Variants in GPHN observed in about 807,000 individuals in gnomAD.
GPHN encodes the protein gephyrin.
GPHN carries 17 observed loss-of-function variants against 95.5 expected under a neutral mutation model. The observed-to-expected ratio is 0.18, with a 90% confidence interval of 0.12 to 0.27. GPHN has a LOEUF of 0.27. GPHN is among the 10% of genes least tolerant of loss of function. The pLI, the probability that GPHN is intolerant of heterozygous loss-of-function variation, is 1.00. For missense variants in GPHN, 660 were observed against 978.1 expected (o/e 0.67, Z 4.34); for synonymous variants, 320 against 322.5 (o/e 0.99, Z 0.08).
At chr14:67,663,146 C>T in the GPHN span, 1 of 1,532,506 alleles carries the variant, frequency 6.5e-7, no homozygotes, top group African/African-American at 1.4e-5. Context: ...CATTCTGTCC[C>T]TTTGGTTGAG....
intron 4 of GPHN, among the ~76,000 whole-genome samples, chr14:66,824,964 A>G (rs1013314005): frequency 2.6e-5 from 4 of 152,158 alleles, no homozygotes; most frequent in African/African-American, 4.8e-5. Context: ...CAGTAAGATG[A>G]CTGCAATAGA....
At chr14:66,627,102 GT>G (rs1367261845) in intron 1 of GPHN, among the ~76,000 whole-genome samples, 1 of 151,866 alleles carries the variant, frequency 6.6e-6, no homozygotes, top group Non-Finnish European at 1.5e-5. Context: ...CTTAAAATTG[GT>G]ATAAATCTAA....
chr14:67,045,077 G>C (rs1223776797), intron 10 of GPHN, among the ~76,000 whole-genome samples: 1 of 152,098 alleles, frequency 6.6e-6, no homozygotes, highest in Non-Finnish European at 1.5e-5. Flanking sequence ...ATCTGGGTTT[G>C]CTTCTCCCTT....
chr14:67,730,277 A>G, the GPHN span, among the ~76,000 whole-genome samples: 1 of 152,198 alleles, frequency 6.6e-6, no homozygotes, highest in Non-Finnish European at 1.5e-5. Context: ...ATCTGGCTCT[A>G]GAGCTGTGCC....
chr14:67,213,449 A>T, the GPHN span, among the ~76,000 whole-genome samples: 1 of 149,832 alleles, frequency 6.7e-6, no homozygotes, highest in Non-Finnish European at 1.5e-5. Flanking sequence ...TTTACTGAGA[A>T]TGATGATTTC....
the GPHN span, among the ~76,000 whole-genome samples, chr14:67,309,440 A>G: frequency 6.6e-6 from 1 of 152,222 alleles, no homozygotes; most frequent in Non-Finnish European, 1.5e-5. Context: ...ATTTTAGGAA[A>G]GTAAGAGCTT....
intron 12 of GPHN, among the ~76,000 whole-genome samples, chr14:67,095,821 C>A (rs1298077597): frequency 1.3e-5 from 2 of 151,370 alleles, no homozygotes; most frequent in African/African-American, 4.9e-5. Flanking sequence ...GGAGATATAC[C>A]TAATGCTAAA....
the GPHN span, among the ~76,000 whole-genome samples, chr14:67,359,466 C>T: frequency 6.6e-6 from 1 of 152,140 alleles, no homozygotes; most frequent in South Asian, 2.1e-4. Context: ...TCGCTTCGTC[C>T]AGCCTGATTC....
the GPHN span, chr14:67,387,048 C>A: frequency 1.1e-5 from 3 of 271,034 alleles, no homozygotes; most frequent in African/African-American, 6.8e-5. Flanking sequence ...ACAAAGGGAA[C>A]CTACTTTGGT....
the GPHN span, chr14:67,674,393 G>C: frequency 1.2e-6 from 2 of 1,601,808 alleles, no homozygotes; most frequent in African/African-American, 1.3e-5. Context: ...GCCGTCCCCA[G>C]CAGCCGCTCG....
the GPHN span, chr14:67,383,479 C>T: frequency 1.9e-6 from 3 of 1,608,436 alleles, no homozygotes; most frequent in Non-Finnish European, 2.6e-6. Flanking sequence ...GAACACAGAG[C>T]AGCGCTTCCT....
chr14:66,549,146 A>G (rs1024285571), intron 1 of GPHN, among the ~76,000 whole-genome samples: 2 of 152,160 alleles, frequency 1.3e-5, no homozygotes, highest in Non-Finnish European at 2.9e-5. Context: ...TTTACATTAG[A>G]ATGTGTCTAA....
chr14:66,663,530 G>A (rs1009452940), intron 1 of GPHN, among the ~76,000 whole-genome samples: 2 of 152,142 alleles, frequency 1.3e-5, no homozygotes, highest in Non-Finnish European at 1.5e-5. Flanking sequence ...GCACACTGGA[G>A]TACACAGACA....
At chr14:67,578,587 C>G in the GPHN span, 2 of 1,612,234 alleles carry the variant, frequency 1.2e-6, no homozygotes. The surrounding 1 kb of genome is among the most constrained non-coding windows in gnomAD (Gnocchi z 5.0). Flanking sequence ...AGCATCACTT[C>G]CTCTGGTATG....
At chr14:67,656,341 C>T in the GPHN span, 3 of 1,404,262 alleles carry the variant, frequency 2.1e-6, no homozygotes, top group Non-Finnish European at 1.9e-6. Context: ...AGCTTTTGGC[C>T]TTAGTACGGT....
At chr14:67,635,689 C>G in the GPHN span, among the ~76,000 whole-genome samples, 5 of 152,086 alleles carry the variant, frequency 3.3e-5, no homozygotes, top group Admixed American at 6.6e-5. Context: ...CCTGTCTCTA[C>G]TGAAAATGCA....
intron 4 of GPHN, among the ~76,000 whole-genome samples, chr14:66,833,664 T>TAAA (rs11394709): frequency 1.6e-3 from 223 of 142,690 alleles, no homozygotes; most frequent in African/African-American, 5.3e-3. Context: ...ATGCCCTGGT[T>TAAA]AAAAAAAAAA....
the GPHN span, among the ~76,000 whole-genome samples, chr14:67,367,508 C>A: frequency 6.6e-6 from 1 of 152,232 alleles, no homozygotes; most frequent in South Asian, 2.1e-4. Flanking sequence ...GGATTACAGG[C>A]GTGAGCCACC....
intron 1 of GPHN, among the ~76,000 whole-genome samples, chr14:66,651,823 A>G (rs912291581): frequency 4.0e-5 from 6 of 151,866 alleles, no homozygotes; most frequent in African/African-American, 1.5e-4. Flanking sequence ...GGGCGTCACT[A>G]TCTCCCATCA....
Sources: allele counts gnomAD v4.1 joint callset (sites outside exome capture counted in the v4.1 genomes callset), GRCh38; gene constraint gnomAD v4.1.1; non-coding constraint Gnocchi (gnomAD v3.1); transcripts MANE v1.5; gene names NCBI Gene and HGNC (gene_info 2026-07-23, HGNC 2026-07-21).